COL24A1: variants seen among roughly 807,000 people sequenced by gnomAD.
The protein encoded by COL24A1 is collagen type XXIV alpha 1 chain, also known as collagen alpha-1(XXIV) chain.
Under a neutral mutation model 253.9 loss-of-function variants are expected in COL24A1, and 224 were observed. That is an observed-to-expected ratio of 0.88 (90% confidence interval 0.79 to 0.99). The LOEUF (loss-of-function observed/expected upper bound fraction) is 0.99. COL24A1 is among the 50% of genes least tolerant of loss of function. The pLI is 0.00. For missense variants in COL24A1, 2,131 were observed against 2,068.5 expected (o/e 1.03, Z -0.59); for synonymous variants, 685 against 673.7 (o/e 1.02, Z -0.26).
rs140574786 is a variant in COL24A1, at chr1:86,138,873, G to T, written c.121+7246C>A. On this transcript the variant is annotated intron_variant, in intron 2 of 59. Coordinates refer to ENST00000370571, the MANE Select transcript of COL24A1 (RefSeq NM_152890.7). Reference sequence around the variant, plus strand: ...CTTTTTTTTTTATCTCATCCCGTCAGAGCCCTGCTAAGTATATCCCTTCAT... The same window carrying T: ...CTTTTTTTTTTATCTCATCCCGTCATAGCCCTGCTAAGTATATCCCTTCAT... Among the ~76,000 whole-genome samples, 517 of 151,634 alleles carry T rather than the reference G, an allele frequency of 3.4e-3. 4 individuals are homozygous for T. Among genetic ancestry groups the T allele is most frequent in the African/African-American group, 0.012 (492 of 41,346 alleles).
At chr1:85,867,013 G>T (rs1487249742) in intron 37 of COL24A1, among the ~76,000 whole-genome samples, 1 of 152,086 alleles carries the variant, frequency 6.6e-6, no homozygotes, top group East Asian at 1.9e-4. Flanking sequence ...TATTATTTGG[G>T]GGTAGATGTG....
intron 32 of COL24A1, among the ~76,000 whole-genome samples, chr1:85,878,631 T>C (rs979582630): frequency 2.6e-5 from 4 of 152,172 alleles, no homozygotes; most frequent in Admixed American, 1.3e-4. Flanking sequence ...ATGTTAAGAG[T>C]ATGCCTAGCT....
chr1:86,141,449 C>T (rs1423271914), intron 2 of COL24A1, among the ~76,000 whole-genome samples: 1 of 152,136 alleles, frequency 6.6e-6, no homozygotes, highest in Non-Finnish European at 1.5e-5. Flanking sequence ...CTAAAATTGA[C>T]ATACAAAATT....
intron 7 of COL24A1, among the ~76,000 whole-genome samples, chr1:86,082,167 TA>T (rs1467740954): frequency 6.6e-6 from 1 of 152,174 alleles, no homozygotes; most frequent in Non-Finnish European, 1.5e-5. Flanking sequence ...TTCTGGAGAC[TA>T]AAGGATTTGC....
At chr1:86,077,994 T>TA (rs969084516) in intron 7 of COL24A1, among the ~76,000 whole-genome samples, 1 of 151,700 alleles carries the variant, frequency 6.6e-6, no homozygotes, top group South Asian at 2.1e-4. Context: ...TTAAAAAAAT[T>TA]AAAAAAAGAA....
At chr1:85,975,278 A>T (rs1451027958) in intron 20 of COL24A1, among the ~76,000 whole-genome samples, 1 of 152,218 alleles carries the variant, frequency 6.6e-6, no homozygotes, top group Non-Finnish European at 1.5e-5. Context: ...TACCAAAGAA[A>T]GAAAATCAGT....
At chr1:85,910,050 T>A in intron 25 of COL24A1, 47 bp from the exon 26 acceptor site, 2 of 1,453,990 alleles carry the variant, frequency 1.4e-6, no homozygotes, top group Non-Finnish European at 1.9e-6. Flanking sequence ...GCATATTAAT[T>A]AGTCATGACT....
chr1:85,771,277 G>T (rs1667933496), intron 53 of COL24A1, among the ~76,000 whole-genome samples: 1 of 151,858 alleles, frequency 6.6e-6, no homozygotes, highest in South Asian at 2.1e-4. Flanking sequence ...ACAGGCCCCG[G>T]TGTGTGATGT....
chr1:86,041,607 A>G (rs1303622933), intron 12 of COL24A1, among the ~76,000 whole-genome samples: 1 of 152,146 alleles, frequency 6.6e-6, no homozygotes, highest in African/African-American at 2.4e-5. Flanking sequence ...GAGGTATAAG[A>G]AATCTAAAGT....
intron 37 of COL24A1, among the ~76,000 whole-genome samples, chr1:85,849,894 A>G (rs916441377): frequency 5.3e-5 from 8 of 152,236 alleles, no homozygotes; most frequent in Admixed American, 1.3e-4. Flanking sequence ...AAGAAAGTAC[A>G]GAGTATAAAA....
At position 86,146,096 on chromosome 1, in the gene COL24A1, A is replaced by G. The variant is rs114960733; in HGVS notation, c.121+23T>C. On this transcript the variant is annotated intron_variant, in intron 2 of 59. Coordinates refer to ENST00000370571, the MANE Select transcript of COL24A1 (RefSeq NM_152890.7). ...AAGTAGAATTTTTAAGTAAGCAAAT[A>G]AATTAAAAGGTAATTTTCTTACCTT... 5.7e-4 allele frequency: 911 copies of G among 1,587,348 alleles called. 2 individuals carry two copies. In the African/African-American group the frequency reaches 0.011, roughly 18 times the overall value.
intron 7 of COL24A1, among the ~76,000 whole-genome samples, chr1:86,088,802 G>C (rs1703265958): frequency 6.6e-6 from 1 of 152,164 alleles, no homozygotes. Flanking sequence ...GTGACTTCAA[G>C]ATCTCAGAAG....
chr1:85,785,083 G>C (rs927508193), intron 48 of COL24A1, among the ~76,000 whole-genome samples: 4 of 152,082 alleles, frequency 2.6e-5, no homozygotes, highest in Non-Finnish European at 4.4e-5. Context: ...CTACCATCCA[G>C]AGATGATTCA....
intron 2 of COL24A1, among the ~76,000 whole-genome samples, chr1:86,127,082 T>A (rs1345753729): frequency 1.3e-5 from 2 of 152,132 alleles, no homozygotes; most frequent in Non-Finnish European, 2.9e-5. Flanking sequence ...TGTGCTACGC[T>A]TAAAGTATTC....
intron 52 of COL24A1, among the ~76,000 whole-genome samples, chr1:85,778,638 C>G (rs1668844942): frequency 7.5e-6 from 1 of 133,102 alleles, no homozygotes; most frequent in Non-Finnish European, 1.6e-5. Context: ...GAGTTTCACT[C>G]TTATTGCCCA....
chr1:86,047,910 A>T (rs1700023876), intron 11 of COL24A1, among the ~76,000 whole-genome samples: 1 of 152,168 alleles, frequency 6.6e-6, no homozygotes, highest in Non-Finnish European at 1.5e-5. Flanking sequence ...AATAGTACAT[A>T]CAGGTAAGTT....
intron 53 of COL24A1, among the ~76,000 whole-genome samples, chr1:85,769,299 A>G (rs2101253255): frequency 6.6e-6 from 1 of 152,310 alleles, no homozygotes; most frequent in Non-Finnish European, 1.5e-5. Flanking sequence ...AATAACAACA[A>G]AAAACAAATA....
chr1:86,063,387 A>G (rs573579913), intron 8 of COL24A1, among the ~76,000 whole-genome samples: 35 of 129,102 alleles, frequency 2.7e-4, no homozygotes, highest in African/African-American at 8.8e-4. Flanking sequence ...GTGTGTTTGT[A>G]TGTGTATGGA....
intron 35 of COL24A1, among the ~76,000 whole-genome samples, chr1:85,869,558 A>C (rs1318114671): frequency 2.6e-5 from 4 of 152,208 alleles, no homozygotes; most frequent in Non-Finnish European, 4.4e-5. Context: ...TTCCTAAAGA[A>C]AAGAATTTTC....
Sources: allele counts gnomAD v4.1 joint callset (sites outside exome capture counted in the v4.1 genomes callset), GRCh38; gene constraint gnomAD v4.1.1; transcripts MANE v1.5; gene names NCBI Gene and HGNC (gene_info 2026-07-23, HGNC 2026-07-21).